The following SLC66A2 variants were observed in gnomAD, a reference collection of about 807,000 sequenced individuals.
SLC66A2 encodes the protein solute carrier family 66 member 2, also known as PQ loop repeat containing 1.
SLC66A2 carries 23 observed loss-of-function variants against 25.5 expected under a neutral mutation model. The ratio of observed to expected loss-of-function variants is 0.90; its 90% CI spans 0.65 to 1.28. SLC66A2 has a LOEUF of 1.28. Among genes scored for constraint, SLC66A2 ranks in the 50% most tolerant of loss-of-function variants. The probability of loss-of-function intolerance (pLI) is 0.00; values close to 1 mark genes in which losing one functional copy is unlikely to be tolerated. For synonymous variants in SLC66A2, 193 were observed against 166.5 expected, an observed-to-expected ratio of 1.16 and a Z score of -1.23; for missense variants, 396 against 373.1, an observed-to-expected ratio of 1.06 and a Z score of -0.51.
chr18:79,934,320 G>A (rs1986868096), intron 3 of SLC66A2, among the ~76,000 whole-genome samples: 1 of 152,190 alleles, frequency 6.6e-6, no homozygotes, highest in Admixed American at 6.5e-5. Context: ...TCTCTCGGGA[G>A]AAAGGCAGCA....
At chr18:79,910,715 C>G (rs2123222937) in intron 5 of SLC66A2, among the ~76,000 whole-genome samples, 1 of 152,378 alleles carries the variant, frequency 6.6e-6, no homozygotes, top group African/African-American at 2.4e-5. Flanking sequence ...CCCGGAGAAT[C>G]TGCTGACTGT....
At chr18:79,916,858 G>A (rs1984236488) in intron 5 of SLC66A2, among the ~76,000 whole-genome samples, 1 of 152,266 alleles carries the variant, frequency 6.6e-6, no homozygotes, top group African/African-American at 2.4e-5. Flanking sequence ...AGAGCCCAAG[G>A]AGGGGTCATG....
chr18:79,951,166 T>G, intron 1 of SLC66A2, 141 bp from the exon 2 acceptor site: 4 of 212,884 alleles, frequency 1.9e-5, no homozygotes, highest in East Asian at 1.1e-4. Flanking sequence ...GAGCGGCCCC[T>G]GCCTGGGACG....
intron 4 of SLC66A2, among the ~76,000 whole-genome samples, chr18:79,922,603 G>A (rs1006972755): frequency 1.3e-5 from 2 of 152,048 alleles, no homozygotes; most frequent in African/African-American, 4.8e-5. Flanking sequence ...ACACTCATAA[G>A]CACTCTCAGA....
chr18:79,909,753 C>T (rs1295850713), intron 5 of SLC66A2, among the ~76,000 whole-genome samples: 1 of 140,274 alleles, frequency 7.1e-6, no homozygotes, highest in Non-Finnish European at 1.6e-5. Flanking sequence ...CACCAGAGTC[C>T]CCAACCTTCC....
Position 79,950,997 on chromosome 18 carries a change from C to T in SLC66A2, c.-71G>A, listed in dbSNP as rs920080011. ...GGGCCACCGGCCGCCTGCTCATCGC[C>T]GCTCCGCGCGCTCCTGCGGCCTCGG... On this transcript the variant is annotated 5_prime_UTR_variant, in exon 2 of 6. Transcript: ENST00000397778. 2.5e-6 allele frequency: 3 copies of T among 1,191,564 alleles called. No homozygotes were observed. The highest frequency in any genetic ancestry group is 1.6e-5 in the African/African-American group (1 of 61,344). The allele number at this position is 1,191,564 out of a possible 1,614,324, so 73.8% of individuals were successfully genotyped here. A position where few individuals can be genotyped will look rare whatever the true frequency, so the allele number is the denominator to read the frequency against.
At chr18:79,950,220 G>A (rs1040259397) in intron 2 of SLC66A2, among the ~76,000 whole-genome samples, 1 of 152,104 alleles carries the variant, frequency 6.6e-6, no homozygotes, top group Non-Finnish European at 1.5e-5. Context: ...AATTAGCCGG[G>A]TGTGGTGGTG....
intron 4 of SLC66A2, among the ~76,000 whole-genome samples, chr18:79,925,475 C>G (rs367930218): frequency 6.6e-6 from 1 of 152,202 alleles, no homozygotes; most frequent in Non-Finnish European, 1.5e-5. Context: ...CAATGCTAAA[C>G]GAATGTTTCC....
chr18:79,927,871 C>T lies in SLC66A2; in HGVS notation c.391+6098G>A, dbSNP rs1461570773. Among the ~76,000 whole-genome samples the T allele has an allele frequency of 6.6e-6, 1 of 152,258 alleles. No individual in the cohort carries two copies. The highest frequency in any genetic ancestry group is 2.4e-5 in the African/African-American group (1 of 41,466). ...CAGACAAGCGCTCACCGCCGCACTGCCCTAACAGCTGCTGAGACACATTCC... is the reference window on the plus strand; with the variant it reads ...CAGACAAGCGCTCACCGCCGCACTGTCCTAACAGCTGCTGAGACACATTCC... On this transcript the variant is annotated intron_variant, in intron 4 of 5. Coordinates refer to ENST00000397778, the MANE Select transcript of SLC66A2 (RefSeq NM_025078.5). This position sits in a 1 kb window ranked among gnomAD's most constrained non-coding sequence, Gnocchi z 6.2.
At position 79,903,601 on chromosome 18, in the gene SLC66A2, C is replaced by T. The variant is rs1219989081; in HGVS notation, c.*375G>A. 3.7e-6 allele frequency: 1 copy of T among 273,176 alleles called. No individual in the cohort carries two copies. Among genetic ancestry groups the T allele is most frequent in the African/African-American group, 2.3e-5 (1 of 43,562 alleles). 16.9% of individuals were successfully genotyped at this position (273,176 alleles called of 1,614,324 possible). A position where few individuals can be genotyped will look rare whatever the true frequency, so the allele number is the denominator to read the frequency against. ...ACAGGGTCTCCTGCGGTCACCCCAG[C>T]TTCAAGGTTCGCGGCTGCTGGCCCG... On this transcript the variant is annotated 3_prime_UTR_variant, in exon 6 of 6. Coordinates refer to ENST00000397778, the MANE Select transcript of SLC66A2 (RefSeq NM_025078.5).
At chr18:79,947,006 G>A (rs1438392115) in intron 2 of SLC66A2, among the ~76,000 whole-genome samples, 2 of 152,076 alleles carry the variant, frequency 1.3e-5, no homozygotes, top group Non-Finnish European at 2.9e-5. Context: ...TTGTAGCTTT[G>A]TATCTACTCT....
At chr18:79,934,806 C>T (rs1487553938) in intron 3 of SLC66A2, among the ~76,000 whole-genome samples, 1 of 152,130 alleles carries the variant, frequency 6.6e-6, no homozygotes, top group African/African-American at 2.4e-5. Context: ...GTTGTGTTTG[C>T]CTGCCCCAGG....
At chr18:79,925,252 C>T (rs1477196706) in intron 4 of SLC66A2, among the ~76,000 whole-genome samples, 4 of 152,030 alleles carry the variant, frequency 2.6e-5, no homozygotes, top group African/African-American at 4.8e-5. Flanking sequence ...CTGCTGAGCC[C>T]GACAGAAATC....
intron 2 of SLC66A2, among the ~76,000 whole-genome samples, chr18:79,948,293 C>A (rs989966529): frequency 6.6e-6 from 1 of 152,212 alleles, no homozygotes; most frequent in Non-Finnish European, 1.5e-5. Flanking sequence ...CAAGATGGCA[C>A]CAGGAAACTG....
intron 2 of SLC66A2, among the ~76,000 whole-genome samples, chr18:79,948,244 A>G (rs1308163062): frequency 6.6e-6 from 1 of 152,254 alleles, no homozygotes; most frequent in African/African-American, 2.4e-5. Context: ...TCCAGCTTCA[A>G]ACCTCTACGT....
rs1986834419 is a variant in SLC66A2, at chr18:79,934,039, G to A, written c.338-17C>T. 1 of 1,609,078 alleles carries A rather than the reference G, an allele frequency of 6.2e-7. No individual in the cohort carries two copies. On this transcript the variant is annotated splice_polypyrimidine_tract_variant and intron_variant, in intron 3 of 5. Transcript: ENST00000397778. ...TATCTGCAGCTACACGTTAAAAAGG[G>A]AGACAGAAACAGAAAGGGGAAAAAG...
intron 4 of SLC66A2, among the ~76,000 whole-genome samples, chr18:79,928,539 T>C (rs2144848211): frequency 6.6e-6 from 1 of 152,260 alleles, no homozygotes; most frequent in East Asian, 1.9e-4. Context: ...CAGCACCCAC[T>C]TAAAGTCCCT....
Position 79,918,327 on chromosome 18 carries a change from A to G in SLC66A2, c.608+857T>C, listed in dbSNP as rs12454768. 0.58 allele frequency among the ~76,000 whole-genome samples: 88,720 copies of G among 151,858 alleles called. 26,639 individuals are homozygous for G. Among genetic ancestry groups the G allele is most frequent in the South Asian group, 0.73 (3,523 of 4,826 alleles). Reference sequence around the variant, plus strand: ...TCCAAATCACAGCCTCAGCATCTGTATTGGAGACCAGACTCAAGCAACGTG... The same window carrying G: ...TCCAAATCACAGCCTCAGCATCTGTGTTGGAGACCAGACTCAAGCAACGTG... On this transcript the variant is annotated intron_variant, in intron 5 of 5. Coordinates refer to ENST00000397778, the MANE Select transcript of SLC66A2 (RefSeq NM_025078.5). This position sits in a 1 kb window ranked among gnomAD's most constrained non-coding sequence, Gnocchi z 4.0.
chr18:79,948,407 G>C (rs912223586), intron 2 of SLC66A2, among the ~76,000 whole-genome samples: 1 of 152,186 alleles, frequency 6.6e-6, no homozygotes, highest in Non-Finnish European at 1.5e-5. Context: ...CAGACTGGAG[G>C]ACAGCTCACT....
Sources: gnomAD v4.1 joint callset for allele counts (sites outside exome capture counted in the v4.1 genomes callset) on GRCh38, gnomAD v4.1.1 for gene constraint, Gnocchi (gnomAD v3.1) non-coding constraint, MANE v1.5 for transcripts, NCBI Gene and HGNC (gene_info 2026-07-23, HGNC 2026-07-21) for gene names.